SLIT3: variants seen among roughly 807,000 people sequenced by gnomAD.
SLIT3 encodes slit guidance ligand 3.
In SLIT3, 68 loss-of-function variants were observed where a neutral mutation model predicts 184.0. The observed-to-expected ratio is 0.37, with a 90% confidence interval of 0.30 to 0.45. The LOEUF is 0.45. Ranked by LOEUF, SLIT3 falls within the 20% of genes least tolerant of loss-of-function variation. The pLI is 1.00. For synonymous variants in SLIT3, 831 were observed against 828.6 expected, an observed-to-expected ratio of 1.00 and a Z score of -0.05; for missense variants, 1,707 against 2,026.0, an observed-to-expected ratio of 0.84 and a Z score of 3.02.
chr5:168,968,987 T>C (rs1042282042), intron 4 of SLIT3, among the ~76,000 whole-genome samples: 2 of 152,146 alleles, frequency 1.3e-5, no homozygotes, highest in Admixed American at 6.5e-5. Flanking sequence ...TTGTTGGTGA[T>C]AGGTGCAGTT....
At chr5:168,842,468 C>CTTTTT (rs1561962519) in intron 6 of SLIT3, among the ~76,000 whole-genome samples, 4 of 61,306 alleles carry the variant, frequency 6.5e-5, no homozygotes, top group South Asian at 5.3e-4. Flanking sequence ...ACCGTTTTTT[C>CTTTTT]GTTTTTTTTT....
At chr5:168,791,215 T>A (rs1047048098) in intron 10 of SLIT3, 1 of 152,244 alleles carries the variant, frequency 6.6e-6, no homozygotes, top group Non-Finnish European at 1.5e-5. Flanking sequence ...TGTCTTTTTT[T>A]CCCCTGATTA....
rs144928408 is a variant in SLIT3, at chr5:168,787,206, G to A, written c.1080-1228C>T. On this transcript the variant is annotated intron_variant, in intron 11 of 35. Transcript: ENST00000519560. ...TTGTAATTCATATTAATGCCCCACCGCTCACTGTGCCAAATGCAGTAATGT... is the reference window on the plus strand; with the variant it reads ...TTGTAATTCATATTAATGCCCCACCACTCACTGTGCCAAATGCAGTAATGT... 4.8e-3 allele frequency among the ~76,000 whole-genome samples: 737 copies of A among 152,292 alleles called. 8 individuals carry two copies. Among genetic ancestry groups the A allele is most frequent in the Middle Eastern group, 0.027 (8 of 294 alleles).
At chr5:168,828,418 C>T (rs1448340841) in intron 6 of SLIT3, among the ~76,000 whole-genome samples, 3 of 151,922 alleles carry the variant, frequency 2.0e-5, no homozygotes, top group African/African-American at 7.3e-5. Flanking sequence ...ACTGCTTGAG[C>T]CTAGGAGTTT....
chr5:168,745,174 T>C (rs1396752261), intron 20 of SLIT3, among the ~76,000 whole-genome samples: 5 of 152,146 alleles, frequency 3.3e-5, no homozygotes, highest in Admixed American at 2.0e-4. Flanking sequence ...ATGGTGAAAA[T>C]AGTGAGAACT....
At chr5:168,746,526 T>C (rs1754428015) in intron 20 of SLIT3, among the ~76,000 whole-genome samples, 1 of 91,762 alleles carries the variant, frequency 1.1e-5, no homozygotes, top group Non-Finnish European at 2.1e-5. Flanking sequence ...GTGGCGTGGG[T>C]GTGGCGGTGT....
At chr5:169,069,292 C>A (rs1305144990) in intron 4 of SLIT3, among the ~76,000 whole-genome samples, 1 of 152,210 alleles carries the variant, frequency 6.6e-6, no homozygotes, top group Non-Finnish European at 1.5e-5. Flanking sequence ...CAGGTGCTCC[C>A]ATTTCACAGT....
intron 23 of SLIT3, among the ~76,000 whole-genome samples, chr5:168,718,709 CACACACACACACACACACACAT>C (rs1466740946): frequency 6.6e-6 from 1 of 150,664 alleles, no homozygotes; most frequent in African/African-American, 2.5e-5. Flanking sequence ...CACACACACA[CACACACACACACACACACACAT>C]TCTCTCTCTC....
intron 4 of SLIT3, among the ~76,000 whole-genome samples, chr5:169,084,064 A>T (rs1759181481): frequency 6.6e-6 from 1 of 152,176 alleles, no homozygotes; most frequent in African/African-American, 2.4e-5. Flanking sequence ...GTTTGAGTGT[A>T]AGAATCAAAA....
At chr5:169,292,737 G>A (rs907380935) in intron 1 of SLIT3, among the ~76,000 whole-genome samples, 1 of 152,336 alleles carries the variant, frequency 6.6e-6, no homozygotes, top group East Asian at 1.9e-4. Context: ...AATAGAAAAT[G>A]CTCCTGAAAA....
Position 168,708,046 on chromosome 5 carries a change from C to T in SLIT3, c.2774G>A (p.Cys925Tyr). ...CTGGGTGCATGTCCCGTTATTCTTGCACGGGCTGGAGAGGCAGGCATTGCA... is the reference window on the plus strand; with the variant it reads ...CTGGGTGCATGTCCCGTTATTCTTGTACGGGCTGGAGAGGCAGGCATTGCA... ...AKCNACLSSP[C>Y]KNNGTCTQDP... Residue 925 changes from cysteine to tyrosine, a missense_variant, in exon 26 of 36, where the codon TGC becomes TAC. Physicochemically the swap from Cys to Tyr is radical, Grantham distance 194 (BLOSUM62 -2). This residue lies in a region of SLIT3 where 1,307 missense variants were observed against 1,511.6 expected (regional missense o/e 0.86). Transcript: ENST00000519560. The T allele has an allele frequency of 6.2e-7, 1 of 1,614,198 alleles. No homozygotes were observed. Among genetic ancestry groups the T allele is most frequent in the Non-Finnish European group, 8.5e-7 (1 of 1,180,036 alleles).
intron 4 of SLIT3, among the ~76,000 whole-genome samples, chr5:169,043,305 G>A (rs1382563723): frequency 1.3e-5 from 2 of 152,190 alleles, no homozygotes; most frequent in African/African-American, 2.4e-5. Flanking sequence ...AATTTGGGCT[G>A]GTTGAGACAC....
chr5:168,836,575 G>T (rs1758061314), intron 6 of SLIT3, among the ~76,000 whole-genome samples: 1 of 152,094 alleles, frequency 6.6e-6, no homozygotes, highest in South Asian at 2.1e-4. Context: ...TTTCCCATTT[G>T]TTCTAGGTGG....
chr5:169,281,269 G>A (rs1766983267), intron 1 of SLIT3, among the ~76,000 whole-genome samples: 1 of 152,204 alleles, frequency 6.6e-6, no homozygotes, highest in Non-Finnish European at 1.5e-5. Flanking sequence ...ATGAGGTCAG[G>A]TGATCGAGAC....
At chr5:168,801,959 TCC>T (rs1368211184) in intron 9 of SLIT3, among the ~76,000 whole-genome samples, 2 of 152,056 alleles carry the variant, frequency 1.3e-5, no homozygotes, top group South Asian at 2.1e-4. Flanking sequence ...GGCAACCCCC[TCC>T]CCTTCCCCTA....
intron 4 of SLIT3, among the ~76,000 whole-genome samples, chr5:169,011,291 A>T (rs1198232220): frequency 3.3e-5 from 5 of 152,170 alleles, no homozygotes. Context: ...ACCACTCTCC[A>T]GTGTGTAAAA....
At chr5:169,187,274 TGCTAATTTTTGTGTTTTTAGTA>T (rs1393875734) in intron 4 of SLIT3, among the ~76,000 whole-genome samples, 2 of 151,746 alleles carry the variant, frequency 1.3e-5, no homozygotes, top group Admixed American at 6.6e-5. Flanking sequence ...CACCACACCC[TGCTAATTTTTGTGTTTTTAGTA>T]GAGACAGGGT....
rs771090685 is a variant in SLIT3 at position 168,664,028 on chromosome 5, C to A, written c.*2426G>T. On this transcript the variant is annotated 3_prime_UTR_variant, in exon 36 of 36. Coordinates refer to ENST00000519560, the MANE Select transcript of SLIT3 (RefSeq NM_003062.4). The stretch of plus-strand genomic sequence containing the variant: ...AGCCTGGGCCCAGATCCTGGCTCTA[C>A]GGTTTATTAGACATTTACTCTTGGG... 1 of 152,156 alleles carries A rather than the reference C, an allele frequency of 6.6e-6. No homozygotes were observed. The highest frequency in any genetic ancestry group is 1.5e-5 in the Non-Finnish European group (1 of 68,034). 9.4% of individuals were successfully genotyped at this position (152,156 alleles called of 1,614,324 possible).
chr5:168,873,782 C>A (rs1433744617), intron 5 of SLIT3, among the ~76,000 whole-genome samples: 1 of 151,940 alleles, frequency 6.6e-6, no homozygotes, highest in Non-Finnish European at 1.5e-5. Context: ...CCCAAGCTCA[C>A]ATAGGTAGTG....
Sources: gnomAD v4.1 joint callset for allele counts (sites outside exome capture counted in the v4.1 genomes callset) on GRCh38, gnomAD v4.1.1 for gene constraint, gnomAD v4.1.1 regional missense constraint, MANE v1.5 for transcripts, NCBI Gene and HGNC (gene_info 2026-07-23, HGNC 2026-07-21) for gene names.